Variants in DZANK1 observed in about 807,000 individuals in gnomAD.
The protein encoded by DZANK1 is double zinc ribbon and ankyrin repeat-containing protein 1.
Under a neutral mutation model 94.5 loss-of-function variants are expected in DZANK1, and 91 were observed. The observed-to-expected ratio is 0.96, with a 90% CI of 0.81 to 1.15. The LOEUF is 1.15. Among genes scored for constraint, DZANK1 ranks in the 50% most tolerant of loss-of-function variants. The pLI is 0.00. For missense variants in DZANK1, 903 were observed against 916.4 expected (o/e 0.99, Z 0.19); for synonymous variants, 312 against 325.3 (o/e 0.96, Z 0.44).
In DZANK1 at chr20:18,384,907, T is replaced by C. The variant is rs939200057; in HGVS notation, c.2093+109A>G. The C allele has an allele frequency of 8.3e-6, 9 of 1,078,774 alleles. No individual in the cohort carries two copies. The East Asian group carries it at 1.3e-4, about 16-fold the overall frequency. 66.8% of individuals were successfully genotyped at this position (1,078,774 alleles called of 1,614,324 possible). Reference sequence around the variant, plus strand: ...AGCCATGGTGGGATGGTGGTCCCCATGGACAGGGACAGCAGTTCAGGAACC... The same window carrying C: ...AGCCATGGTGGGATGGTGGTCCCCACGGACAGGGACAGCAGTTCAGGAACC... On this transcript the variant is annotated intron_variant, in intron 20 of 20. Coordinates refer to ENST00000262547, the Ensembl canonical transcript of DZANK1.
chr20:18,426,079 G>C (rs1419068847), intron 10 of DZANK1, among the ~76,000 whole-genome samples: 1 of 152,182 alleles, frequency 6.6e-6, no homozygotes, highest in East Asian at 1.9e-4. Context: ...CAACCCCCGG[G>C]CCATGGACTG....
At chr20:18,392,918 A>T (rs1204871369) in intron 17 of DZANK1, among the ~76,000 whole-genome samples, 2 of 152,238 alleles carry the variant, frequency 1.3e-5, no homozygotes, top group Non-Finnish European at 2.9e-5. Context: ...TGTTGGGCGT[A>T]GCCTGAATGC....
intron 13 of DZANK1, among the ~76,000 whole-genome samples, chr20:18,400,944 C>CA (rs1470780924): frequency 1.3e-5 from 2 of 148,534 alleles, no homozygotes; most frequent in African/African-American, 2.5e-5. Flanking sequence ...ATCTATACTT[C>CA]TTTTTTTTTT....
chr20:18,409,635 C>T (rs563895473), intron 13 of DZANK1, among the ~76,000 whole-genome samples: 43 of 151,606 alleles, frequency 2.8e-4, no homozygotes, highest in Admixed American at 1.1e-3. Context: ...TTATAAAAGA[C>T]ATTATAAATG....
intron 1 of DZANK1, 69 bp from the exon 2 acceptor site, chr20:18,465,446 A>C (rs142624107): frequency 1.0e-5 from 5 of 495,238 alleles, no homozygotes; most frequent in African/African-American, 1.0e-4. Context: ...ATTTAAATGC[A>C]GCAAAACTAG....
chr20:18,384,406 T>C, exon 21 of DZANK1: 5 of 1,610,344 alleles, frequency 3.1e-6, no homozygotes, highest in Non-Finnish European at 4.2e-6. Flanking sequence ...GGGCTAACAG[T>C]CATCCAGGCT....
At chr20:18,435,348 A>G (rs1050622319) in intron 8 of DZANK1, among the ~76,000 whole-genome samples, 5 of 152,194 alleles carry the variant, frequency 3.3e-5, no homozygotes, top group African/African-American at 1.2e-4. Flanking sequence ...ACCAACCCAA[A>G]TGCCCATCAA....
chr20:18,465,465 A>G (rs1419178905), intron 1 of DZANK1, 88 bp from the exon 2 acceptor site: 5 of 433,498 alleles, frequency 1.2e-5, no homozygotes, highest in African/African-American at 8.2e-5. Context: ...AGTTAAAACG[A>G]GAGAATACTG....
intron 10 of DZANK1, among the ~76,000 whole-genome samples, chr20:18,417,918 T>C (rs1282104385): frequency 6.6e-6 from 1 of 152,012 alleles, no homozygotes; most frequent in Non-Finnish European, 1.5e-5. Context: ...AAACACCATG[T>C]CTACTAAAAA....
intron 19 of DZANK1, 44 bp from the exon 20 acceptor site, chr20:18,385,134 C>A (rs773251433): frequency 6.5e-6 from 10 of 1,539,718 alleles, no homozygotes; most frequent in Non-Finnish European, 7.0e-6. Flanking sequence ...TAGTTAGCAT[C>A]ATCAGGAAAC....
intron 10 of DZANK1, among the ~76,000 whole-genome samples, chr20:18,418,085 CA>C (rs888304604): frequency 1.3e-4 from 18 of 141,574 alleles, no homozygotes; most frequent in South Asian, 2.2e-4. Context: ...GACTCTGTCT[CA>C]AAAAAAAAAA....
At chr20:18,440,031 G>C (rs899698146) in intron 8 of DZANK1, among the ~76,000 whole-genome samples, 1 of 152,140 alleles carries the variant, frequency 6.6e-6, no homozygotes, top group Admixed American at 6.6e-5. Context: ...TTTATAAGAA[G>C]AGGAAGAGAC....
intron 13 of DZANK1, among the ~76,000 whole-genome samples, chr20:18,401,484 G>A (rs1004413598): frequency 6.6e-6 from 1 of 152,310 alleles, no homozygotes; most frequent in African/African-American, 2.4e-5. Context: ...TACTTCTGTG[G>A]GTCAAGAATA....
chr20:18,448,416 A>G (rs1391031470), intron 7 of DZANK1, among the ~76,000 whole-genome samples: 1 of 152,190 alleles, frequency 6.6e-6, no homozygotes, highest in Non-Finnish European at 1.5e-5. Context: ...AATAGGGTAC[A>G]ATGTAGGAAA....
chr20:18,384,494 C>T (rs867739921), exon 21 of DZANK1: 1 of 1,612,166 alleles, frequency 6.2e-7, no homozygotes, highest in Middle Eastern at 1.7e-4. Context: ...ACAAGGTCAT[C>T]TCCAGTGTTC....
At chr20:18,397,783 C>T (rs968831481) in intron 14 of DZANK1, among the ~76,000 whole-genome samples, 5 of 152,108 alleles carry the variant, frequency 3.3e-5, no homozygotes, top group African/African-American at 7.2e-5. Context: ...AGAGATGACT[C>T]GAGGACTGGG....
intron 3 of DZANK1, among the ~76,000 whole-genome samples, chr20:18,456,158 A>G (rs2059278525): frequency 6.6e-6 from 1 of 152,234 alleles, no homozygotes; most frequent in Non-Finnish European, 1.5e-5. Context: ...TGTGTTGCCT[A>G]GGTCATTCCA....
intron 10 of DZANK1, among the ~76,000 whole-genome samples, chr20:18,419,157 G>T (rs1455903082): frequency 5.3e-5 from 8 of 151,876 alleles, no homozygotes; most frequent in African/African-American, 1.9e-4. Context: ...AGCTACTCGG[G>T]AGGGTGAGGC....
At chr20:18,409,152 C>CAAAAATTTTTTAAATAAAAAATTT (rs982437802) in intron 13 of DZANK1, among the ~76,000 whole-genome samples, 7 of 152,082 alleles carry the variant, frequency 4.6e-5, no homozygotes, top group African/African-American at 1.4e-4. Flanking sequence ...TATGTACCCA[C>CAAAAATTTTTTAAATAAAAAATTT]AAAAATTTTT....
Sources: gnomAD v4.1 joint callset for allele counts (sites outside exome capture counted in the v4.1 genomes callset) on GRCh38, gnomAD v4.1.1 for gene constraint, MANE v1.5 for transcripts, NCBI Gene and HGNC (gene_info 2026-07-23, HGNC 2026-07-21) for gene names.